PCDHGA6: variants seen among roughly 807,000 people sequenced by gnomAD.
PCDHGA6 encodes the protein protocadherin gamma-A6.
Under a neutral mutation model 60.6 loss-of-function variants are expected in PCDHGA6, and 41 were observed. The observed-to-expected ratio is 0.68, with a 90% CI of 0.53 to 0.88. PCDHGA6 has a LOEUF of 0.88. Ranked by LOEUF, PCDHGA6 falls within the 40% of genes least tolerant of loss-of-function variation. The probability of loss-of-function intolerance (pLI) is 0.00; values close to 1 mark genes in which losing one functional copy is unlikely to be tolerated. For missense variants in PCDHGA6, 1,312 were observed against 1,203.0 expected, an observed-to-expected ratio of 1.09 and a Z score of -1.34; for synonymous variants, 594 against 524.4, an observed-to-expected ratio of 1.13 and a Z score of -1.81.
intron 1 of PCDHGA6, chr5:141,392,827 A>G: frequency 2.5e-6 from 4 of 1,601,944 alleles, no homozygotes; most frequent in Non-Finnish European, 3.4e-6. Flanking sequence ...GCCGCTCCAC[A>G]GAGTCGCCCC....
chr5:141,409,766 C>G, intron 1 of PCDHGA6: 1 of 1,612,910 alleles, frequency 6.2e-7, no homozygotes, highest in Non-Finnish European at 8.5e-7. Context: ...CGCCTTTGAT[C>G]ACGAGCAGCT....
At chr5:141,399,129 A>G (rs1280077247) in intron 1 of PCDHGA6, 2 of 1,613,848 alleles carry the variant, frequency 1.2e-6, no homozygotes, top group Non-Finnish European at 8.5e-7. Context: ...TTAATATTCA[A>G]GATGAAAATG....
Position 141,397,948 on chromosome 5 carries a change from C to T in PCDHGA6, c.2424+21441C>T, listed in dbSNP as rs139631080. The T allele has an allele frequency of 7.9e-4, 721 of 913,614 alleles. 6 individuals are homozygous for T. The African/African-American group carries it at 0.01, about 13-fold the overall frequency. The allele number at this position is 913,614 out of a possible 1,614,324, so 56.6% of individuals were successfully genotyped here. On this transcript the variant is annotated intron_variant, in intron 1 of 3. Coordinates refer to ENST00000517434, the MANE Select transcript of PCDHGA6 (RefSeq NM_018919.3). Reference sequence around the variant, plus strand: ...CGCAGCCGCAGCGCGCTTTCCAGGGCAGCCCCAGCTCAGACTCCCCAGCGC... The same window carrying T: ...CGCAGCCGCAGCGCGCTTTCCAGGGTAGCCCCAGCTCAGACTCCCCAGCGC...
intron 1 of PCDHGA6, among the ~76,000 whole-genome samples, chr5:141,454,596 G>C (rs1184158084): frequency 1.3e-5 from 2 of 151,324 alleles, no homozygotes; most frequent in Non-Finnish European, 2.9e-5. Flanking sequence ...AGTAGAGACA[G>C]GGTTTCTCCA....
chr5:141,491,666 G>T lies in PCDHGA6; in HGVS notation c.2425-3141G>T, dbSNP rs373526771. Reference sequence around the variant, plus strand: ...CTGGCGCTGGAGCCTGACGCCATCCGGTCCCGCTCTAATACGCTGCGGGAG... The same window carrying T: ...CTGGCGCTGGAGCCTGACGCCATCCTGTCCCGCTCTAATACGCTGCGGGAG... On this transcript the variant is annotated intron_variant, in intron 1 of 3. Transcript: ENST00000517434. This position sits in a 1 kb window ranked among gnomAD's most constrained non-coding sequence, Gnocchi z 6.9. 1.2e-6 allele frequency: 2 copies of T among 1,613,732 alleles called. No homozygotes were observed. Among genetic ancestry groups the T allele is most frequent in the Non-Finnish European group, 1.7e-6 (2 of 1,180,008 alleles).
intron 1 of PCDHGA6, among the ~76,000 whole-genome samples, chr5:141,472,266 G>A (rs931951683): frequency 2.0e-5 from 3 of 152,198 alleles, no homozygotes. Flanking sequence ...TTATAGCCGG[G>A]CACAGTGGCT....
At position 141,511,572 on chromosome 5, in the gene PCDHGA6, T is replaced by C. The variant is rs1366960269; in HGVS notation, c.*399T>C. The C allele has an allele frequency of 1.0e-5, 3 of 289,550 alleles. No homozygotes were observed. The East Asian group carries it at 2.4e-4, about 23-fold the overall frequency. 17.9% of individuals were successfully genotyped at this position (289,550 alleles called of 1,614,324 possible). ...AACAGTTCCTCTTTCCCGAGTAAGG[T>C]GGTTGGGGTGTTGAAGTACCAAGTA... On this transcript the variant is annotated 3_prime_UTR_variant, in exon 4 of 4. Coordinates refer to ENST00000517434, the MANE Select transcript of PCDHGA6 (RefSeq NM_018919.3).
At chr5:141,387,628 G>A (rs2091015052) in intron 1 of PCDHGA6, 1 of 577,308 alleles carries the variant, frequency 1.7e-6, no homozygotes, top group Admixed American at 3.5e-5. Context: ...GCTGACTCTG[G>A]GCGCCGCTGT....
rs1020143604 is a variant in PCDHGA6, at chr5:141,387,463, C to T, written c.2424+10956C>T. 8.8e-4 allele frequency among the ~76,000 whole-genome samples: 134 copies of T among 152,318 alleles called. 2 individuals are homozygous for T. Among genetic ancestry groups the T allele is most frequent in the East Asian group, 3.9e-4 (2 of 5,186 alleles). ...TAATCTACATGATTTGCCTAAAAAT[C>T]CTCAAAGTTGGGATGAAGGCATTCC... On this transcript the variant is annotated intron_variant, in intron 1 of 3. Transcript: ENST00000517434.
At position 141,485,122 on chromosome 5, in the gene PCDHGA6, G is replaced by A. The variant is rs1000179570; in HGVS notation, c.2425-9685G>A. The A allele has an allele frequency of 1.4e-6, 2 of 1,387,624 alleles. No individual in the cohort carries two copies. The highest frequency in any genetic ancestry group is 1.4e-5 in the African/African-American group (1 of 70,566). 86.0% of individuals were successfully genotyped at this position (1,387,624 alleles called of 1,614,324 possible). A position where few individuals can be genotyped will look rare whatever the true frequency, so the allele number is the denominator to read the frequency against. Reference sequence around the variant, plus strand: ...CAGCTGCTGTGGCTGTTTGGGGCGGGTCGGCTTCATCCGCGTCTCAGGAGC... The same window carrying A: ...CAGCTGCTGTGGCTGTTTGGGGCGGATCGGCTTCATCCGCGTCTCAGGAGC... On this transcript the variant is annotated intron_variant, in intron 1 of 3. Coordinates refer to ENST00000517434, the MANE Select transcript of PCDHGA6 (RefSeq NM_018919.3). The surrounding 1 kb of genome is among the most constrained non-coding windows in gnomAD (Gnocchi z 5.7).
chr5:141,426,270 G>A lies in PCDHGA6; in HGVS notation c.2424+49763G>A, dbSNP rs999517850. On this transcript the variant is annotated intron_variant, in intron 1 of 3. Coordinates refer to ENST00000517434, the MANE Select transcript of PCDHGA6 (RefSeq NM_018919.3). Reference sequence around the variant, plus strand: ...TTTTCTCTTAACGTCGGAGACTGCAGCAACGCATGGGAAGGATGGGAAACA... The same window carrying A: ...TTTTCTCTTAACGTCGGAGACTGCAACAACGCATGGGAAGGATGGGAAACA... 2.6e-4 allele frequency: 43 copies of A among 163,626 alleles called. 1 individual carries two copies. The highest frequency in any genetic ancestry group is 3.0e-3 in the Middle Eastern group (1 of 328). 10.1% of individuals were successfully genotyped at this position (163,626 alleles called of 1,614,324 possible).
chr5:141,511,328 A>G lies in PCDHGA6; in HGVS notation c.*155A>G. On this transcript the variant is annotated 3_prime_UTR_variant, in exon 4 of 4. Transcript: ENST00000517434. Reference sequence around the variant, plus strand: ...CCTTGGGAAACAGAAACAAGTGCCCAGTCAGCACCTACCCCTTCCCCCCCA... The same window carrying G: ...CCTTGGGAAACAGAAACAAGTGCCCGGTCAGCACCTACCCCTTCCCCCCCA... The G allele has an allele frequency of 6.9e-7, 1 of 1,456,862 alleles. No individual in the cohort carries two copies. Among genetic ancestry groups the G allele is most frequent in the Non-Finnish European group, 9.1e-7 (1 of 1,093,622 alleles). 90.2% of individuals were successfully genotyped at this position (1,456,862 alleles called of 1,614,324 possible).
chr5:141,497,218 GA>G (rs1172998466), intron 2 of PCDHGA6, among the ~76,000 whole-genome samples: 1 of 149,792 alleles, frequency 6.7e-6, no homozygotes, highest in Non-Finnish European at 1.5e-5. Flanking sequence ...ATGGGGGGGG[GA>G]AGATCAGAGA....
rs770239249 is a variant in PCDHGA6 at position 141,375,991 on chromosome 5, C to T, written c.1908C>T (p.Asp636=). The T allele has an allele frequency of 1.9e-6, 3 of 1,613,448 alleles. No individual in the cohort carries two copies. Among genetic ancestry groups the T allele is most frequent in the Non-Finnish European group, 1.7e-6 (2 of 1,179,896 alleles). ...CGGCGCGCGCCCTGCTGGACAGAGA[C>T]GCGCTCAAGCAGAGCCTAGTGGTGG... The part of the protein sequence containing the change: ...VRTARALLDR[D]ALKQSLVVAV... The change falls in exon 1 of 4, where the codon GAC becomes GAT. Residue 636 remains aspartate (D), a synonymous_variant. Coordinates refer to ENST00000517434, the MANE Select transcript of PCDHGA6 (RefSeq NM_018919.3).
chr5:141,392,881 T>C, intron 1 of PCDHGA6: 6 of 1,613,564 alleles, frequency 3.7e-6, no homozygotes, highest in Non-Finnish European at 5.1e-6. Context: ...CTGGGAACGC[T>C]GTGGGAAATC....
At chr5:141,436,071 A>G (rs1419598304) in intron 1 of PCDHGA6, among the ~76,000 whole-genome samples, 1 of 152,222 alleles carries the variant, frequency 6.6e-6, no homozygotes. Context: ...TAATAAGTAC[A>G]GTGTTCTATA....
chr5:141,480,380 A>C (rs1192159457), intron 1 of PCDHGA6, among the ~76,000 whole-genome samples: 3 of 151,970 alleles, frequency 2.0e-5, no homozygotes, highest in African/African-American at 4.8e-5. Context: ...GCACCACTAC[A>C]CTTCAACCAT....
intron 1 of PCDHGA6, among the ~76,000 whole-genome samples, chr5:141,381,922 C>A (rs1777762962): frequency 6.9e-6 from 1 of 145,556 alleles, no homozygotes. Context: ...CTCCACCTCC[C>A]GGGTTCAAGC....
chr5:141,476,912 G>A lies in PCDHGA6; in HGVS notation c.2425-17895G>A, dbSNP rs1196222770. 1.9e-6 allele frequency: 3 copies of A among 1,614,098 alleles called. No homozygotes were observed. Among genetic ancestry groups the A allele is most frequent in the Non-Finnish European group, 2.5e-6 (3 of 1,180,048 alleles). On this transcript the variant is annotated intron_variant, in intron 1 of 3. Coordinates refer to ENST00000517434, the MANE Select transcript of PCDHGA6 (RefSeq NM_018919.3). The surrounding 1 kb of genome is among the most constrained non-coding windows in gnomAD (Gnocchi z 7.6). Reference sequence around the variant, plus strand: ...ACCCTCCGGCACGCGCGTGGTACAAGTCCTTGCAACGGATCTGGATGAAGG... The same window carrying A: ...ACCCTCCGGCACGCGCGTGGTACAAATCCTTGCAACGGATCTGGATGAAGG...
Sources: allele counts gnomAD v4.1 joint callset (sites outside exome capture counted in the v4.1 genomes callset), GRCh38; gene constraint gnomAD v4.1.1; non-coding constraint Gnocchi (gnomAD v3.1); transcripts MANE v1.5; gene names NCBI Gene and HGNC (gene_info 2026-07-23, HGNC 2026-07-21).